The following RBFOX1 variants were observed in gnomAD, a reference collection of about 807,000 sequenced individuals.
RBFOX1 encodes the protein RNA binding fox-1 homolog 1.
Under a neutral mutation model 57.7 loss-of-function variants are expected in RBFOX1, and 8 were observed. The observed-to-expected ratio is 0.14, with a 90% CI of 0.08 to 0.25. RBFOX1 has a LOEUF of 0.25. Ranked by LOEUF, RBFOX1 falls within the 10% of genes least tolerant of loss-of-function variation. The probability of loss-of-function intolerance (pLI) is 1.00; values close to 1 mark genes in which losing one functional copy is unlikely to be tolerated. For missense variants in RBFOX1, 611 were observed against 548.5 expected, an observed-to-expected ratio of 1.11 and a Z score of -1.14; for synonymous variants, 326 against 222.4, an observed-to-expected ratio of 1.47 and a Z score of -4.15.
chr16:5,299,036 A>G (rs375836074), intron 1 of RBFOX1, among the ~76,000 whole-genome samples: 1 of 144,664 alleles, frequency 6.9e-6, no homozygotes, highest in African/African-American at 2.6e-5. Flanking sequence ...AACAAAATTT[A>G]GAATGTTTCT....
intron 3 of RBFOX1, among the ~76,000 whole-genome samples, chr16:5,815,092 A>C (rs537021554): frequency 1.7e-4 from 26 of 149,312 alleles, no homozygotes; most frequent in Non-Finnish European, 3.1e-4. Flanking sequence ...CAACAATCCT[A>C]CCTCAGCCTC....
intron 2 of RBFOX1, among the ~76,000 whole-genome samples, chr16:6,569,882 A>C (rs928874291): frequency 5.3e-5 from 8 of 152,148 alleles, no homozygotes; most frequent in African/African-American, 1.7e-4. Flanking sequence ...CCTTCAATCA[A>C]TTTTAATCCC....
chr16:5,445,410 G>A (rs900291446), intron 1 of RBFOX1, among the ~76,000 whole-genome samples: 2 of 152,104 alleles, frequency 1.3e-5, no homozygotes, highest in African/African-American at 4.8e-5. Flanking sequence ...TAAGGGTGGG[G>A]ATCATGTCTC....
At chr16:5,383,098 T>A (rs1439865560) in intron 1 of RBFOX1, among the ~76,000 whole-genome samples, 2 of 152,254 alleles carry the variant, frequency 1.3e-5, no homozygotes, top group Non-Finnish European at 2.9e-5. Flanking sequence ...AGTCCGTTAT[T>A]TGGATGTTCC....
intron 4 of RBFOX1, among the ~76,000 whole-genome samples, chr16:7,181,092 G>C (rs1313806912): frequency 2.6e-5 from 4 of 152,208 alleles, no homozygotes; most frequent in East Asian, 1.9e-4. Flanking sequence ...CTGACCCCCT[G>C]CTATCAAGGA....
At chr16:6,022,734 C>G (rs2095108552) in intron 1 of RBFOX1, among the ~76,000 whole-genome samples, 1 of 152,170 alleles carries the variant, frequency 6.6e-6, no homozygotes, top group African/African-American at 2.4e-5. Flanking sequence ...GTGATAGTAT[C>G]TAAACAATTT....
intron 4 of RBFOX1, among the ~76,000 whole-genome samples, chr16:7,112,045 G>A (rs2064885186): frequency 6.6e-6 from 1 of 151,926 alleles, no homozygotes; most frequent in Admixed American, 6.6e-5. Context: ...GAGGAAGGGA[G>A]GTAAGTGTGT....
At chr16:7,416,693 A>G (rs776645069) in intron 4 of RBFOX1, among the ~76,000 whole-genome samples, 1 of 151,998 alleles carries the variant, frequency 6.6e-6, no homozygotes, top group South Asian at 2.1e-4. Context: ...CTCTGAGAAA[A>G]TATTAATGAG....
At chr16:7,587,351 G>C (rs771994011) in intron 7 of RBFOX1, 51 bp downstream of exon 7, 4 of 1,453,632 alleles carry the variant, frequency 2.8e-6, no homozygotes, top group Non-Finnish European at 2.7e-6. Flanking sequence ...TTAAATGTTT[G>C]TTATGAATAA....
chr16:6,453,670 G>A (rs763030585), intron 2 of RBFOX1, among the ~76,000 whole-genome samples: 1 of 152,132 alleles, frequency 6.6e-6, no homozygotes, highest in Non-Finnish European at 1.5e-5. Flanking sequence ...GGACTCCTCC[G>A]TAACTCATTT....
intron 2 of RBFOX1, among the ~76,000 whole-genome samples, chr16:5,495,511 C>T (rs1219889245): frequency 6.6e-6 from 1 of 152,180 alleles, no homozygotes; most frequent in Non-Finnish European, 1.5e-5. Context: ...TTGGTGGGAT[C>T]ACAGAGCCAA....
chr16:5,892,932 C>T (rs2058080531), intron 4 of RBFOX1, among the ~76,000 whole-genome samples: 1 of 152,144 alleles, frequency 6.6e-6, no homozygotes, highest in African/African-American at 2.4e-5. Context: ...GAGCTTTACC[C>T]TAAAGCTGGC....
chr16:6,441,082 C>T (rs762430881), intron 2 of RBFOX1, among the ~76,000 whole-genome samples: 4 of 151,622 alleles, frequency 2.6e-5, no homozygotes, highest in Non-Finnish European at 5.9e-5. Context: ...TGACCAGAGT[C>T]ATGGCGGACG....
chr16:6,558,588 G>C (rs1472170501), intron 2 of RBFOX1, among the ~76,000 whole-genome samples: 1 of 152,072 alleles, frequency 6.6e-6, no homozygotes, highest in African/African-American at 2.4e-5. Flanking sequence ...TGGGGCTTTT[G>C]GCTTTTGTCC....
intron 1 of RBFOX1, among the ~76,000 whole-genome samples, chr16:6,271,866 A>G (rs1050669765): frequency 1.3e-5 from 2 of 152,152 alleles, no homozygotes; most frequent in African/African-American, 4.8e-5. Flanking sequence ...ATTCTACCAG[A>G]TTTAGAATGA....
At chr16:7,561,012 A>G (rs1231385057) in intron 5 of RBFOX1, among the ~76,000 whole-genome samples, 1 of 152,166 alleles carries the variant, frequency 6.6e-6, no homozygotes, top group Non-Finnish European at 1.5e-5. Flanking sequence ...TCCTCCACAA[A>G]GCTAGGAGCT....
At chr16:5,556,494 C>G (rs2045682072) in intron 2 of RBFOX1, among the ~76,000 whole-genome samples, 2 of 152,166 alleles carry the variant, frequency 1.3e-5, no homozygotes, top group East Asian at 1.9e-4. Flanking sequence ...CCCGCTTTTT[C>G]TAAAACTTAA....
At chr16:5,738,899 A>G (rs1597046615) in intron 3 of RBFOX1, among the ~76,000 whole-genome samples, 1 of 152,214 alleles carries the variant, frequency 6.6e-6, no homozygotes, top group African/African-American at 2.4e-5. Context: ...GCAAACAACC[A>G]GGGAAGATGG....
chr16:7,232,594 C>A (rs77415496), intron 4 of RBFOX1, among the ~76,000 whole-genome samples: 1 of 152,054 alleles, frequency 6.6e-6, no homozygotes, highest in Non-Finnish European at 1.5e-5. Flanking sequence ...GTAATCCCAG[C>A]GCTTTGGGAG....
Sources: allele counts gnomAD v4.1 joint callset (sites outside exome capture counted in the v4.1 genomes callset), GRCh38; gene constraint gnomAD v4.1.1; transcripts MANE v1.5; gene names NCBI Gene and HGNC (gene_info 2026-07-23, HGNC 2026-07-21).